Variants in PPP6R2 observed in about 807,000 individuals in gnomAD.
PPP6R2 encodes protein phosphatase 6 regulatory subunit 2, also known as serine/threonine-protein phosphatase 6 regulatory subunit 2.
Under a neutral mutation model 100.2 loss-of-function variants are expected in PPP6R2, and 62 were observed. That is an observed-to-expected ratio of 0.62 (90% CI 0.50 to 0.76). PPP6R2 has a LOEUF of 0.76. Among genes scored for constraint, PPP6R2 ranks in the 30% least tolerant of loss-of-function variants. The pLI, the probability that PPP6R2 is intolerant of heterozygous loss-of-function variation, is 0.00. For missense variants in PPP6R2, 1,142 were observed against 1,276.3 expected (o/e 0.89, Z 1.60); for synonymous variants, 525 against 514.7 (o/e 1.02, Z -0.27).
At chr22:50,364,899 C>T (rs1338607924) in intron 1 of PPP6R2, among the ~76,000 whole-genome samples, 1 of 151,894 alleles carries the variant, frequency 6.6e-6, no homozygotes, top group Non-Finnish European at 1.5e-5. Context: ...ATTCTTTATT[C>T]CCTGTTTGTC....
intron 2 of PPP6R2, among the ~76,000 whole-genome samples, chr22:50,384,260 T>C (rs1034136651): frequency 6.6e-6 from 1 of 151,960 alleles, no homozygotes; most frequent in Non-Finnish European, 1.5e-5. Flanking sequence ...TGAGACTGGG[T>C]AATTTATAAA....
At chr22:50,351,026 GTTTTTTTTTTTTTTTTTT>G (rs1195469509) in intron 1 of PPP6R2, among the ~76,000 whole-genome samples, 1 of 80,748 alleles carries the variant, frequency 1.2e-5, no homozygotes, top group Non-Finnish European at 2.3e-5. Context: ...TCTCAACAGT[GTTTTTTTTTTTTTTTTTT>G]TTTTTTTTTT....
chr22:50,437,489 C>G lies in PPP6R2; in HGVS notation c.1684-17C>G. The G allele has an allele frequency of 1.8e-6, 1 of 544,738 alleles. No individual in the cohort carries two copies. The highest frequency in any genetic ancestry group is 3.7e-6 in the Non-Finnish European group (1 of 272,960). The allele number at this position is 544,738 out of a possible 1,614,324, so 33.7% of individuals were successfully genotyped here. ...GACCGGTGTCTGTCCGTCCCTCCCT[C>G]CCTCCCTCCCTCCCAGGCCTTCTCT... On this transcript the variant is annotated splice_polypyrimidine_tract_variant and intron_variant, in intron 15 of 23. Transcript: ENST00000612753.
At chr22:50,379,471 G>A (rs1004575788) in intron 2 of PPP6R2, among the ~76,000 whole-genome samples, 1 of 152,134 alleles carries the variant, frequency 6.6e-6, no homozygotes, top group African/African-American at 2.4e-5. Context: ...ACTCTAGCCT[G>A]GGTGACAGAG....
Position 50,394,155 on chromosome 22 carries a change from C to G in PPP6R2, c.227+20C>G. On this transcript the variant is annotated intron_variant, in intron 3 of 23. Coordinates refer to ENST00000612753, the MANE Select transcript of PPP6R2 (RefSeq NM_001242898.2). ...CTTCAAGTATGTACCAAAGCTGTGACGGGCCAGTACGCCAGGCAGTGCTGC... is the reference window on the plus strand; with the variant it reads ...CTTCAAGTATGTACCAAAGCTGTGAGGGGCCAGTACGCCAGGCAGTGCTGC... 1.9e-6 allele frequency: 3 copies of G among 1,609,520 alleles called. No individual in the cohort carries two copies. The highest frequency in any genetic ancestry group is 2.5e-6 in the Non-Finnish European group (3 of 1,176,736).
chr22:50,380,441 A>G (rs1222891084), intron 2 of PPP6R2, among the ~76,000 whole-genome samples: 1 of 150,698 alleles, frequency 6.6e-6, no homozygotes, highest in African/African-American at 2.4e-5. Context: ...GCTCACTGCA[A>G]CCTCTACCTC....
At chr22:50,380,628 G>C (rs1008890102) in intron 2 of PPP6R2, among the ~76,000 whole-genome samples, 1 of 151,328 alleles carries the variant, frequency 6.6e-6, no homozygotes, top group Non-Finnish European at 1.5e-5. Flanking sequence ...CAAAGTGCTG[G>C]GATTACAGGT....
At chr22:50,373,272 T>A (rs1057026242) in intron 2 of PPP6R2, among the ~76,000 whole-genome samples, 2 of 149,490 alleles carry the variant, frequency 1.3e-5, no homozygotes, top group Non-Finnish European at 3.0e-5. Context: ...GACAGAGTCT[T>A]GCTCAGTCGC....
At chr22:50,418,829 C>G in intron 6 of PPP6R2, 38 bp from the exon 7 acceptor site, 1 of 1,526,148 alleles carries the variant, frequency 6.6e-7, no homozygotes, top group African/African-American at 1.4e-5. Context: ...TGTTTCTTCT[C>G]CACACTGAGG....
chr22:50,376,935 G>A (rs2051720305), intron 2 of PPP6R2, among the ~76,000 whole-genome samples: 1 of 152,094 alleles, frequency 6.6e-6, no homozygotes, highest in African/African-American at 2.4e-5. Flanking sequence ...GCTGAGACAG[G>A]AGAATGGCGT....
chr22:50,358,230 A>G (rs1284869032), intron 1 of PPP6R2, among the ~76,000 whole-genome samples: 4 of 152,172 alleles, frequency 2.6e-5, no homozygotes, highest in African/African-American at 9.6e-5. Context: ...CGCTCAGATT[A>G]CAGGTGTGAA....
chr22:50,354,830 G>T (rs1317500895), intron 1 of PPP6R2, among the ~76,000 whole-genome samples: 1 of 150,238 alleles, frequency 6.7e-6, no homozygotes, highest in African/African-American at 2.4e-5. Flanking sequence ...AACTGGTTGT[G>T]ATCAATTAGT....
chr22:50,403,993 C>T (rs1352981594), intron 3 of PPP6R2, among the ~76,000 whole-genome samples: 2 of 152,172 alleles, frequency 1.3e-5, no homozygotes, highest in Non-Finnish European at 2.9e-5. Flanking sequence ...TGGCGGTGGC[C>T]ACATGTTGGC....
chr22:50,355,373 G>A (rs879450812), intron 1 of PPP6R2, among the ~76,000 whole-genome samples: 3 of 149,914 alleles, frequency 2.0e-5, no homozygotes, highest in Non-Finnish European at 4.4e-5. Flanking sequence ...CGAGTAGCTG[G>A]GACTGCAGGT....
chr22:50,356,671 G>A (rs568346359), intron 1 of PPP6R2, among the ~76,000 whole-genome samples: 37 of 152,074 alleles, frequency 2.4e-4, no homozygotes, highest in African/African-American at 6.5e-4. Flanking sequence ...GGTGGCTCAC[G>A]CCTGTAATAT....
Position 50,348,796 on chromosome 22 carries a change from G to A in PPP6R2, c.-148+5246G>A, listed in dbSNP as rs571196833. Among the ~76,000 whole-genome samples the A allele has an allele frequency of 9.9e-5, 15 of 152,198 alleles. No individual in the cohort carries two copies. In the South Asian group the frequency reaches 1.0e-3, roughly 11 times the overall value. On this transcript the variant is annotated intron_variant, in intron 1 of 23. Coordinates refer to ENST00000612753, the MANE Select transcript of PPP6R2 (RefSeq NM_001242898.2). ...ATTTAAAAGCACATGGGCTGGGTGC[G>A]GTGGTTCACGCCTGTAATCCCAGCA...
In PPP6R2 at chr22:50,432,306, C is replaced by T; in HGVS notation, c.1377C>T (p.Ala459=). The T allele has an allele frequency of 5.2e-6, 8 of 1,549,646 alleles. No individual in the cohort carries two copies. Among genetic ancestry groups the T allele is most frequent in the East Asian group, 2.4e-5 (1 of 40,952 alleles). The change falls in exon 12 of 24, where the codon GCC becomes GCT. Residue 459 remains alanine (A), a synonymous_variant. Coordinates refer to ENST00000612753, the MANE Select transcript of PPP6R2 (RefSeq NM_001242898.2). ...KCCLVQRILE[A]WEANDHTQAA... is the part of the protein sequence containing the mutation. ...GCCTGGTGCAGAGGATCCTGGAGGC[C>T]TGGGAAGCCAACGACCACACGCAGT...
chr22:50,432,328 C>G lies in PPP6R2; in HGVS notation c.1399C>G (p.Gln467Glu), dbSNP rs1180009538. 1 of 1,548,948 alleles carries G rather than the reference C, an allele frequency of 6.5e-7. No individual in the cohort carries two copies. The highest frequency in any genetic ancestry group is 1.4e-5 in the African/African-American group (1 of 73,084). Residue 467 changes from glutamine to glutamate, a missense_variant and splice_region_variant, in exon 12 of 24, where the codon CAG (glutamine) becomes GAG (glutamate). Coordinates refer to ENST00000612753, the MANE Select transcript of PPP6R2 (RefSeq NM_001242898.2). ...GGCCTGGGAAGCCAACGACCACACG[C>G]AGTAAGAGCCGCTCGGACGTGGAGG... is the stretch of plus-strand genomic sequence containing the variant. ...LEAWEANDHT[Q>E]AAGGMRRGNM...
intron 4 of PPP6R2, among the ~76,000 whole-genome samples, chr22:50,412,630 C>CTTTTT (rs398037412): frequency 2.5e-5 from 2 of 79,896 alleles, no homozygotes; most frequent in Non-Finnish European, 4.4e-5. Flanking sequence ...TAAATAAGTC[C>CTTTTT]TTTTTTTTTT....
Sources: gnomAD v4.1 joint callset for allele counts (sites outside exome capture counted in the v4.1 genomes callset) on GRCh38, gnomAD v4.1.1 for gene constraint, MANE v1.5 for transcripts, NCBI Gene and HGNC (gene_info 2026-07-23, HGNC 2026-07-21) for gene names.